Variants in SLC25A53 observed in about 807,000 individuals in gnomAD.
SLC25A53 encodes the protein mitochondrial carrier triple repeat protein 6.
SLC25A53 carries 5 observed loss-of-function variants against 15.0 expected under a neutral mutation model. The ratio of observed to expected loss-of-function variants is 0.33; its 90% CI spans 0.17 to 0.70. The LOEUF is 0.70. Ranked by LOEUF, SLC25A53 falls within the 30% of genes least tolerant of loss-of-function variation. The probability of loss-of-function intolerance (pLI) is 0.67; values close to 1 mark genes in which losing one functional copy is unlikely to be tolerated. For synonymous variants in SLC25A53, 95 were observed against 100.0 expected (o/e 0.95, Z 0.30); for missense variants, 216 against 241.6 (o/e 0.89, Z 0.70).
intron 1 of SLC25A53, among the ~76,000 whole-genome samples, chrX:104,141,425 G>C (rs782176895): frequency 5.4e-5 from 6 of 111,842 alleles, no homozygotes; most frequent in Non-Finnish European, 1.1e-4. Context: ...GAAAACACAG[G>C]TGTAAATCTT....
At chrX:104,129,820 A>G (rs1271289904) in intron 1 of SLC25A53, among the ~76,000 whole-genome samples, 8 of 103,474 alleles carry the variant, frequency 7.7e-5, no homozygotes, top group African/African-American at 2.4e-4. Flanking sequence ...TTTTATTTAT[A>G]TATATAAAAC....
chrX:104,135,415 T>C (rs1419790219), intron 1 of SLC25A53, among the ~76,000 whole-genome samples: 1 of 110,469 alleles, frequency 9.1e-6, no homozygotes, highest in African/African-American at 3.3e-5. Flanking sequence ...CGAACTCGTG[T>C]TTCCCACCCC....
intron 1 of SLC25A53, among the ~76,000 whole-genome samples, chrX:104,111,540 A>G (rs1280939680): frequency 4.5e-5 from 5 of 111,726 alleles, no homozygotes; most frequent in Admixed American, 3.8e-4. Context: ...TGAAAGAAAG[A>G]AAAGTACCAA....
chrX:104,140,149 G>C lies in SLC25A53; in HGVS notation c.-32+16729C>G, dbSNP rs148598314. On this transcript the variant is annotated intron_variant, in intron 1 of 1. Coordinates refer to ENST00000594199, the MANE Select transcript of SLC25A53 (RefSeq NM_001012755.5). ...ATTTATTTATTTATTTTGAGACAGA[G>C]TCTCACTCTGTTCCCCAGGCTGGAG... 3.5e-3 allele frequency among the ~76,000 whole-genome samples: 389 copies of C among 111,450 alleles called. 1 individual carries two copies. The highest frequency in any genetic ancestry group is 0.012 in the African/African-American group (375 of 30,629).
At chrX:104,111,380 G>C (rs2075342404) in intron 1 of SLC25A53, among the ~76,000 whole-genome samples, 1 of 111,552 alleles carries the variant, frequency 9.0e-6, no homozygotes, top group African/African-American at 3.3e-5. Context: ...GCTTCACCTT[G>C]TATTTTCAGA....
At chrX:104,140,960 T>C (rs1042022405) in intron 1 of SLC25A53, among the ~76,000 whole-genome samples, 5 of 111,577 alleles carry the variant, frequency 4.5e-5, no homozygotes, top group Non-Finnish European at 5.6e-5. Context: ...AAAATTATTA[T>C]TTCATACGGA....
At chrX:104,118,487 G>A (rs782054671) in intron 1 of SLC25A53, among the ~76,000 whole-genome samples, 15 of 112,750 alleles carry the variant, frequency 1.3e-4, no homozygotes, top group Non-Finnish European at 2.8e-4. Context: ...TTTATTCCAA[G>A]CTTATTACAT....
chrX:104,105,990 G>A (rs782227447), intron 1 of SLC25A53, among the ~76,000 whole-genome samples: 2 of 111,889 alleles, frequency 1.8e-5, no homozygotes, highest in African/African-American at 6.5e-5. Context: ...GACATTTTGG[G>A]CAGGATAATT....
intron 1 of SLC25A53, chrX:104,130,605 A>C (rs1415824441): frequency 1.8e-5 from 2 of 111,271 alleles, no homozygotes; most frequent in African/African-American, 6.5e-5. Flanking sequence ...TATCCTTGTA[A>C]GCAAGATCAG....
chrX:104,116,744 A>G (rs1187644608), intron 1 of SLC25A53, among the ~76,000 whole-genome samples: 3 of 111,091 alleles, frequency 2.7e-5, no homozygotes, highest in African/African-American at 6.6e-5. Flanking sequence ...AGCCCAATGC[A>G]GCCTTCCCGG....
Position 104,156,686 on chromosome X carries a change from AAC to A in SLC25A53, c.-32+190_-32+191del, listed in dbSNP as rs2075502399. ...CACACATCTCAGTGTCAACACACAC[AAC>A]ACAGTTGACACGCCCCTTAATCCTA... is the stretch of plus-strand genomic sequence containing the variant. On this transcript the variant is annotated intron_variant, in intron 1 of 1. Transcript: ENST00000594199. Among the ~76,000 whole-genome samples, 4 of 109,882 alleles carry A rather than the reference AAC, an allele frequency of 3.6e-5. No homozygotes were observed. In the South Asian group the frequency reaches 1.2e-3, roughly 33 times the overall value.
intron 1 of SLC25A53, among the ~76,000 whole-genome samples, chrX:104,122,103 C>G (rs1197826682): frequency 9.7e-6 from 1 of 103,514 alleles, no homozygotes; most frequent in Non-Finnish European, 2.0e-5. Flanking sequence ...ATAGTTCTAT[C>G]CCCCCTTTTT....
At chrX:104,137,770 C>T (rs1162756930) in intron 1 of SLC25A53, among the ~76,000 whole-genome samples, 2 of 111,564 alleles carry the variant, frequency 1.8e-5, no homozygotes, top group Non-Finnish European at 3.8e-5. Context: ...TGCTTCAATC[C>T]TTCGTTATAA....
chrX:104,109,474 T>G (rs1234156070), intron 1 of SLC25A53, among the ~76,000 whole-genome samples: 2 of 112,589 alleles, frequency 1.8e-5, no homozygotes, highest in African/African-American at 6.5e-5. Context: ...GGTATATAAG[T>G]TGCTTCATAA....
At chrX:104,106,928 C>T (rs1279736068) in intron 1 of SLC25A53, among the ~76,000 whole-genome samples, 1 of 107,067 alleles carries the variant, frequency 9.3e-6, no homozygotes, top group Non-Finnish European at 1.9e-5. Context: ...CATTCCTATC[C>T]CCATTGCTCC....
chrX:104,145,707 A>T (rs1602504207), intron 1 of SLC25A53, among the ~76,000 whole-genome samples: 1 of 112,658 alleles, frequency 8.9e-6, no homozygotes, highest in East Asian at 2.8e-4. Context: ...TAGAAAATCT[A>T]GAAGAAATGG....
intron 1 of SLC25A53, among the ~76,000 whole-genome samples, chrX:104,124,297 A>G (rs1199701487): frequency 4.5e-5 from 5 of 111,894 alleles, no homozygotes. Context: ...TTTGATTTGC[A>G]TTTCTCTAAT....
chrX:104,104,871 G>A lies in SLC25A53; in HGVS notation c.387C>T (p.Ala129=), dbSNP rs781873546. 2.6e-5 allele frequency: 31 copies of A among 1,209,972 alleles called. No homozygotes were observed. The highest frequency in any genetic ancestry group is 2.4e-4 in the African/African-American group (14 of 57,158). Residue 129 remains alanine (A), a synonymous_variant, in exon 2 of 2, where the codon GCC becomes GCT. Coordinates refer to ENST00000594199, the MANE Select transcript of SLC25A53 (RefSeq NM_001012755.5). ...AAGLMSGVVE[A]VALSPFERVQ... is the part of the protein sequence containing the mutation. ...CCCTTTCAAAGGGGCTGAGTGCCAC[G>A]GCCTCCACCACGCCAGACATGAGCC...
chrX:104,112,547 A>T (rs2147867001), intron 1 of SLC25A53: 1 of 113,572 alleles, frequency 8.8e-6, no homozygotes, highest in East Asian at 2.8e-4. Flanking sequence ...GTCGCCAGAG[A>T]CTGAAAGCAA....
Sources: gnomAD v4.1 joint callset for allele counts (sites outside exome capture counted in the v4.1 genomes callset) on GRCh38, gnomAD v4.1.1 for gene constraint, MANE v1.5 for transcripts, NCBI Gene and HGNC (gene_info 2026-07-23, HGNC 2026-07-21) for gene names.